The following PSMF1 variants were observed in gnomAD, a reference collection of about 807,000 sequenced individuals.
PSMF1 encodes proteasome inhibitor PI31 subunit.
A neutral mutation model predicts 29.3 loss-of-function variants in PSMF1; 30 were observed. That is an observed-to-expected ratio of 1.02 (90% CI 0.77 to 1.39). The LOEUF is 1.39. PSMF1 is among the 40% of genes most tolerant of loss of function. The pLI is 0.00. For missense variants in PSMF1, 344 were observed against 357.5 expected (o/e 0.96, Z 0.31); for synonymous variants, 134 against 139.7 (o/e 0.96, Z 0.29).
rs2086685552 is a variant in PSMF1 at position 1,163,013 on chromosome 20, C to G, written c.552-117C>G. 3.7e-6 allele frequency: 4 copies of G among 1,076,468 alleles called. No individual in the cohort carries two copies. The highest frequency in any genetic ancestry group is 3.1e-5 in the African/African-American group (2 of 63,998). The allele number at this position is 1,076,468 out of a possible 1,614,324, so 66.7% of individuals were successfully genotyped here. A position where few individuals can be genotyped will look rare whatever the true frequency, so the allele number is the denominator to read the frequency against. The stretch of plus-strand genomic sequence containing the variant: ...AGCCAAGGACCACCCTGAAATATCC[C>G]TTGTGCTATGGTCTCATGCAAGGGT... On this transcript the variant is annotated intron_variant, in intron 4 of 6. Transcript: ENST00000335877. This position sits in a 1 kb window ranked among gnomAD's most constrained non-coding sequence, Gnocchi z 6.1.
chr20:1,114,512 G>A (rs2085997253), upstream of PSMF1, among the ~76,000 whole-genome samples: 1 of 151,146 alleles, frequency 6.6e-6, no homozygotes, highest in African/African-American at 2.4e-5. Flanking sequence ...TGAACCAAGG[G>A]GTGGGGGTGA....
intron 4 of PSMF1, among the ~76,000 whole-genome samples, chr20:1,142,172 A>G (rs1320511399): frequency 2.0e-5 from 3 of 152,252 alleles, no homozygotes; most frequent in Admixed American, 2.0e-4. Context: ...CAGTGAGCTG[A>G]GATCGCGCCA....
At chr20:1,162,667 A>C (rs752103681) in intron 4 of PSMF1, among the ~76,000 whole-genome samples, 2 of 152,200 alleles carry the variant, frequency 1.3e-5, no homozygotes, top group African/African-American at 2.4e-5. Flanking sequence ...AATTTTATAC[A>C]GGGGCTATAT....
In PSMF1 at chr20:1,165,932, G is replaced by A; in HGVS notation, c.*852G>A. On this transcript the variant is annotated 3_prime_UTR_variant, in exon 7 of 7. Transcript: ENST00000335877. The stretch of plus-strand genomic sequence containing the variant: ...TTCTCCTCTTAGGGCCTTGTGCCAA[G>A]CCTATGAAATTGGAGGTGGCTTTCC... 1 of 1,345,030 alleles carries A rather than the reference G, an allele frequency of 7.4e-7. No individual in the cohort carries two copies. Among genetic ancestry groups the A allele is most frequent in the South Asian group, 1.7e-5 (1 of 58,636 alleles). The allele number at this position is 1,345,030 out of a possible 1,614,324, so 83.3% of individuals were successfully genotyped here. A position where few individuals can be genotyped will look rare whatever the true frequency, so the allele number is the denominator to read the frequency against.
chr20:1,116,950 G>T (rs2122419894), upstream of PSMF1, among the ~76,000 whole-genome samples: 2 of 152,286 alleles, frequency 1.3e-5, 1 homozygote, highest in Admixed American at 1.3e-4. Flanking sequence ...GAACGCAAAG[G>T]CCCAAACAGA....
rs780151408 is a variant in PSMF1, at chr20:1,166,624, C to T, written c.*1544C>T. 2 of 247,962 alleles carry T rather than the reference C, an allele frequency of 8.1e-6. No individual in the cohort carries two copies. The highest frequency in any genetic ancestry group is 1.6e-5 in the Non-Finnish European group (2 of 123,984). 15.4% of individuals were successfully genotyped at this position (247,962 alleles called of 1,614,324 possible). A position where few individuals can be genotyped will look rare whatever the true frequency, so the allele number is the denominator to read the frequency against. ...CTCCCTGGGTATTTCTGTCAGTCCC[C>T]ATGGCAAGCAGTGATTTAGTAAAAC... On this transcript the variant is annotated 3_prime_UTR_variant, in exon 7 of 7. Transcript: ENST00000335877.
At chr20:1,125,474 T>G in intron 1 of PSMF1, 24 bp from the exon 2 acceptor site, 1 of 1,574,304 alleles carries the variant, frequency 6.4e-7, no homozygotes, top group Non-Finnish European at 8.6e-7. Context: ...ATGATCTTTC[T>G]CCTCTCAACT....
At chr20:1,137,531 T>C (rs958261129) in intron 4 of PSMF1, among the ~76,000 whole-genome samples, 2 of 152,126 alleles carry the variant, frequency 1.3e-5, no homozygotes, top group Non-Finnish European at 2.9e-5. Flanking sequence ...GTCAAACAGG[T>C]GCATGAGGAT....
intron 4 of PSMF1, among the ~76,000 whole-genome samples, chr20:1,145,929 A>T (rs1254755770): frequency 6.6e-6 from 1 of 152,118 alleles, no homozygotes; most frequent in Admixed American, 6.5e-5. Flanking sequence ...TTTTTGTCTG[A>T]TGCCAAGATT....
chr20:1,134,110 T>A (rs1435461939), intron 3 of PSMF1, among the ~76,000 whole-genome samples: 1 of 152,030 alleles, frequency 6.6e-6, no homozygotes, highest in African/African-American at 2.4e-5. Context: ...TGTTCTTACC[T>A]TTATTACTTC....
Position 1,166,004 on chromosome 20 carries a change from T to TAAACTGGG in PSMF1, c.*925_*932dup, listed in dbSNP as rs1205825286. 23 of 1,424,742 alleles carry TAAACTGGG rather than the reference T, an allele frequency of 1.6e-5. No homozygotes were observed. Among genetic ancestry groups the TAAACTGGG allele is most frequent in the Non-Finnish European group, 2.1e-5 (23 of 1,090,150 alleles). 88.3% of individuals were successfully genotyped at this position (1,424,742 alleles called of 1,614,324 possible). The stretch of plus-strand genomic sequence containing the variant: ...CTCATTCTGTGTTTGGTAACCCCTA[T>TAAACTGGG]AAACTGGGGCAGAGGAAAAGAATGA... On this transcript the variant is annotated 3_prime_UTR_variant, in exon 7 of 7. Transcript: ENST00000335877.
At position 1,160,897 on chromosome 20, in the gene PSMF1, A is replaced by G. The variant is rs1322704234; in HGVS notation, c.552-2233A>G. On this transcript the variant is annotated intron_variant, in intron 4 of 6. Coordinates refer to ENST00000335877, the MANE Select transcript of PSMF1 (RefSeq NM_006814.5). ...CCTGGAGGAGCACCTGGTGCTGCTGACTGAGGGCCCCCTGAACCCCAAGGC... is the reference window on the plus strand; with the variant it reads ...CCTGGAGGAGCACCTGGTGCTGCTGGCTGAGGGCCCCCTGAACCCCAAGGC... The G allele has an allele frequency of 6.7e-6, 3 of 448,382 alleles. No homozygotes were observed. In the East Asian group the frequency reaches 1.6e-4, roughly 24 times the overall value. 27.8% of individuals were successfully genotyped at this position (448,382 alleles called of 1,614,324 possible). A position where few individuals can be genotyped will look rare whatever the true frequency, so the allele number is the denominator to read the frequency against.
chr20:1,131,363 G>A (rs1415899554), intron 3 of PSMF1, among the ~76,000 whole-genome samples: 1 of 152,162 alleles, frequency 6.6e-6, no homozygotes, highest in Non-Finnish European at 1.5e-5. Flanking sequence ...TATGTGTTGT[G>A]TTTTGTTTTG....
At chr20:1,113,397 C>A (rs1303446841) in exon 1 of PSMF1, 1 of 151,176 alleles carries the variant, frequency 6.6e-6, no homozygotes, top group Non-Finnish European at 1.5e-5. Context: ...GAATGGGACT[C>A]TTGCTGATGT....
In PSMF1 at chr20:1,171,541, A is replaced by T. The variant is rs1478244448; in HGVS notation, c.*6461A>T. 6.6e-6 allele frequency among the ~76,000 whole-genome samples: 1 copy of T among 152,242 alleles called. No homozygotes were observed. The highest frequency in any genetic ancestry group is 2.4e-5 in the African/African-American group (1 of 41,462). On this transcript the variant is annotated 3_prime_UTR_variant, in exon 7 of 7. Transcript: ENST00000335877. ...CTGGCTCCAAGTCCAGGGCGTTTCC[A>T]GTAAGCACTGTCCAAATCAGTCATG...
At chr20:1,133,934 TG>T (rs1202253592) in intron 3 of PSMF1, among the ~76,000 whole-genome samples, 1 of 152,104 alleles carries the variant, frequency 6.6e-6, no homozygotes, top group African/African-American at 2.4e-5. Flanking sequence ...ATCCTTTCAG[TG>T]GCTACAGATC....
intron 4 of PSMF1, among the ~76,000 whole-genome samples, chr20:1,137,240 G>A (rs907547778): frequency 1.3e-5 from 2 of 152,136 alleles, no homozygotes; most frequent in African/African-American, 4.8e-5. Flanking sequence ...TCCTAGCCTT[G>A]GAAGAACTGA....
chr20:1,172,193 A>G lies in PSMF1; in HGVS notation c.*7113A>G, dbSNP rs1415869748. Among the ~76,000 whole-genome samples the G allele has an allele frequency of 6.6e-6, 1 of 152,204 alleles. No homozygotes were observed. Among genetic ancestry groups the G allele is most frequent in the Admixed American group, 6.5e-5 (1 of 15,284 alleles). Reference sequence around the variant, plus strand: ...AGCTGATAGCCCAGGTTTGCCCACAAATGTGCTCTGACTGGCGTGCATGTT... The same window carrying G: ...AGCTGATAGCCCAGGTTTGCCCACAGATGTGCTCTGACTGGCGTGCATGTT... On this transcript the variant is annotated 3_prime_UTR_variant, in exon 7 of 7. Coordinates refer to ENST00000335877, the MANE Select transcript of PSMF1 (RefSeq NM_006814.5).
At chr20:1,152,234 C>G (rs754604314) in intron 4 of PSMF1, among the ~76,000 whole-genome samples, 9 of 152,174 alleles carry the variant, frequency 5.9e-5, no homozygotes, top group Admixed American at 1.3e-4. Context: ...GAGGTAGATG[C>G]TCTTGGTATC....
Sources: gnomAD v4.1 joint callset for allele counts (sites outside exome capture counted in the v4.1 genomes callset) on GRCh38, gnomAD v4.1.1 for gene constraint, Gnocchi (gnomAD v3.1) non-coding constraint, MANE v1.5 for transcripts, NCBI Gene and HGNC (gene_info 2026-07-23, HGNC 2026-07-21) for gene names.